Variants in VAPA observed in about 807,000 individuals in gnomAD.
The protein encoded by VAPA is VAMP associated protein A.
VAPA carries 6 observed loss-of-function variants against 25.6 expected under a neutral mutation model. The ratio of observed to expected loss-of-function variants is 0.23; its 90% CI spans 0.13 to 0.46. The LOEUF (loss-of-function observed/expected upper bound fraction) is 0.46. Among genes scored for constraint, VAPA ranks in the 20% least tolerant of loss-of-function variants. The pLI is 0.99. For missense variants in VAPA, 244 were observed against 302.1 expected (o/e 0.81, Z 1.43); for synonymous variants, 112 against 106.2 (o/e 1.05, Z -0.34).
At chr18:9,950,600 G>C in intron 5 of VAPA, 32 bp downstream of exon 5, 1 of 1,601,736 alleles carries the variant, frequency 6.2e-7, no homozygotes, top group Non-Finnish European at 8.5e-7. Context: ...TAAATTGATT[G>C]AAATGAAGGT....
intron 4 of VAPA, among the ~76,000 whole-genome samples, chr18:9,944,303 A>G (rs1386133557): frequency 6.6e-6 from 1 of 152,182 alleles, no homozygotes; most frequent in Non-Finnish European, 1.5e-5. Context: ...TTGAGACAGA[A>G]CAAATGGGGT....
rs141493852 is a variant in VAPA, at chr18:9,955,961, A to G, written c.*1750A>G. The G allele has an allele frequency of 1.8e-3, 279 of 152,342 alleles. No homozygotes were observed. The highest frequency in any genetic ancestry group is 6.3e-3 in the African/African-American group (262 of 41,578). 9.4% of individuals were successfully genotyped at this position (152,342 alleles called of 1,614,324 possible). On this transcript the variant is annotated 3_prime_UTR_variant, in exon 6 of 6. Transcript: ENST00000400000. ...AAATAGTCTTATATTTTCACCCCAT[A>G]AATGCAGAATCAGTAATTCCTTGGC...
Position 9,957,132 on chromosome 18 carries a change from A to G in VAPA, c.*2921A>G, listed in dbSNP as rs981081957. 2 of 152,064 alleles carry G rather than the reference A, an allele frequency of 1.3e-5. No homozygotes were observed. Among genetic ancestry groups the G allele is most frequent in the East Asian group, 1.9e-4 (1 of 5,196 alleles). 9.4% of individuals were successfully genotyped at this position (152,064 alleles called of 1,614,324 possible). A position where few individuals can be genotyped will look rare whatever the true frequency, so the allele number is the denominator to read the frequency against. On this transcript the variant is annotated 3_prime_UTR_variant, in exon 6 of 6. Coordinates refer to ENST00000400000, the MANE Select transcript of VAPA (RefSeq NM_194434.3). The stretch of plus-strand genomic sequence containing the variant: ...CTGCAGCTTCCGCCTCCTGGGTTCA[A>G]GTGATTCTCATGGCTCAGCCGCCTG...
chr18:9,925,281 T>G (rs1199060147), intron 1 of VAPA, among the ~76,000 whole-genome samples: 1 of 151,822 alleles, frequency 6.6e-6, no homozygotes, highest in Non-Finnish European at 1.5e-5. Flanking sequence ...GTTTGTATAA[T>G]TGTATAATAT....
At chr18:9,917,056 A>G (rs1359280248) in intron 1 of VAPA, among the ~76,000 whole-genome samples, 3 of 152,248 alleles carry the variant, frequency 2.0e-5, no homozygotes, top group African/African-American at 7.2e-5. Context: ...TACAGTCGTT[A>G]ACATATAAAA....
chr18:9,924,318 A>T (rs1235677910), intron 1 of VAPA, among the ~76,000 whole-genome samples: 8 of 152,002 alleles, frequency 5.3e-5, no homozygotes, highest in Non-Finnish European at 8.8e-5. Context: ...TCAAGATGTT[A>T]AATTATTAGT....
At chr18:9,915,984 G>GTT (rs149595419) in intron 1 of VAPA, among the ~76,000 whole-genome samples, 3 of 151,444 alleles carry the variant, frequency 2.0e-5, no homozygotes, top group Non-Finnish European at 4.4e-5. Flanking sequence ...TGTATGGTGT[G>GTT]TTTTTTTTTA....
At chr18:9,946,015 T>C (rs1265587326) in intron 4 of VAPA, among the ~76,000 whole-genome samples, 1 of 152,224 alleles carries the variant, frequency 6.6e-6, no homozygotes, top group Non-Finnish European at 1.5e-5. Flanking sequence ...GGCCCACGTT[T>C]ATGTCTTTTA....
intron 1 of VAPA, chr18:9,915,059 G>C (rs1253961458): frequency 1.3e-5 from 2 of 152,586 alleles, no homozygotes; most frequent in Middle Eastern, 3.2e-3. Flanking sequence ...TGTTGGCACG[G>C]ACCCAGGTGC....
In VAPA at chr18:9,937,050, A is replaced by G. The variant is rs1003019359; in HGVS notation, c.401A>G (p.Asn134Ser). 2.7e-5 allele frequency: 44 copies of G among 1,613,774 alleles called. 1 individual carries two copies. Among genetic ancestry groups the G allele is most frequent in the African/African-American group, 8.0e-5 (6 of 74,918 alleles). ...TTGAGATGCGTATTTGAAATGCCCA[A>G]TGAAAATGATAAATTGGTAAGTAGG... ...SKLRCVFEMP[N>S]ENDKLNDMEP... is the part of the protein sequence containing the mutation. Residue 134 changes from asparagine to serine, a missense_variant, in exon 4 of 6, where the codon AAT becomes AGT. Physicochemically the swap from Asn to Ser is conservative, Grantham distance 46. Transcript: ENST00000400000.
Position 9,958,912 on chromosome 18 carries a change from A to T in VAPA, c.*4701A>T, listed in dbSNP as rs576021129. On this transcript the variant is annotated 3_prime_UTR_variant, in exon 6 of 6. Transcript: ENST00000400000. ...ATTAATTGCCATTTTGCTGACACCC[A>T]GTGTACCTACCTACCTGAGAAATTT... 1 of 152,346 alleles carries T rather than the reference A, an allele frequency of 6.6e-6. No homozygotes were observed. The highest frequency in any genetic ancestry group is 1.9e-4 in the East Asian group (1 of 5,186). 9.4% of individuals were successfully genotyped at this position (152,346 alleles called of 1,614,324 possible).
chr18:9,930,827 T>G (rs1265167372), intron 1 of VAPA, among the ~76,000 whole-genome samples: 1 of 152,054 alleles, frequency 6.6e-6, no homozygotes, highest in Non-Finnish European at 1.5e-5. Flanking sequence ...TAGTTCCAAA[T>G]TTTTATTTAT....
chr18:9,952,265 A>C (rs2069497454), intron 5 of VAPA, among the ~76,000 whole-genome samples: 1 of 152,126 alleles, frequency 6.6e-6, no homozygotes, highest in Non-Finnish European at 1.5e-5. Context: ...CTGCTGCTGG[A>C]AAAGTAAAAC....
chr18:9,930,702 A>ATTTTT (rs1441105892), intron 1 of VAPA, among the ~76,000 whole-genome samples: 1 of 150,272 alleles, frequency 6.7e-6, no homozygotes, highest in African/African-American at 2.5e-5. Context: ...TTTTTTTTAA[A>ATTTTT]AAAAAAATGC....
intron 4 of VAPA, chr18:9,944,964 T>G: frequency 6.2e-7 from 1 of 1,614,194 alleles, no homozygotes; most frequent in East Asian, 2.2e-5. Flanking sequence ...GTCACTTCAA[T>G]GAGCAGCATC....
chr18:9,950,659 T>G (rs1344552275), intron 5 of VAPA, 91 bp downstream of exon 5: 7 of 1,427,774 alleles, frequency 4.9e-6, no homozygotes, highest in East Asian at 4.9e-5. Flanking sequence ...AGCTTTTAAA[T>G]TTTTGCTTGG....
intron 5 of VAPA, 28 bp from the exon 6 acceptor site, chr18:9,954,025 A>G (rs750733513): frequency 6.2e-7 from 1 of 1,609,680 alleles, no homozygotes; most frequent in Non-Finnish European, 8.5e-7. Context: ...GTTTTTAAAA[A>G]CCTTTTGTGT....
chr18:9,936,077 G>A, intron 2 of VAPA, 33 bp from the exon 3 acceptor site: 1 of 1,461,116 alleles, frequency 6.8e-7, no homozygotes. Context: ...ACATGCAGGA[G>A]ACAATATAAT....
intron 1 of VAPA, 47 bp downstream of exon 1, chr18:9,914,382 G>C (rs957095320): frequency 4.0e-6 from 6 of 1,508,022 alleles, no homozygotes; most frequent in Non-Finnish European, 4.4e-6. Context: ...CGCGCGGACC[G>C]CTGGCTGTCG....
Sources: allele counts gnomAD v4.1 joint callset (sites outside exome capture counted in the v4.1 genomes callset), GRCh38; gene constraint gnomAD v4.1.1; transcripts MANE v1.5; gene names NCBI Gene and HGNC (gene_info 2026-07-23, HGNC 2026-07-21).